Variants in IQCJ observed in about 807,000 individuals in gnomAD.
IQCJ encodes the protein IQ motif containing J.
A neutral mutation model predicts 11.0 loss-of-function variants in IQCJ; 9 were observed. The ratio of observed to expected loss-of-function variants is 0.82; its 90% CI spans 0.49 to 1.43. The LOEUF (loss-of-function observed/expected upper bound fraction) is 1.43, where lower values mean the gene tolerates loss of function less well. IQCJ is among the 40% of genes most tolerant of loss of function. IQCJ has a pLI of 0.00. For synonymous variants in IQCJ, 55 were observed against 51.3 expected, an observed-to-expected ratio of 1.07 and a Z score of -0.31; for missense variants, 146 against 133.2, an observed-to-expected ratio of 1.10 and a Z score of -0.47.
Position 159,262,548 on chromosome 3 carries a change from C to T in IQCJ, c.156C>T (p.Ile52=), listed in dbSNP as rs747297020. The T allele has an allele frequency of 6.2e-7, 1 of 1,612,092 alleles. No homozygotes were observed. Among genetic ancestry groups the T allele is most frequent in the Non-Finnish European group, 8.5e-7 (1 of 1,178,856 alleles). The change falls in exon 4 of 4, where the codon ATC becomes ATT. Residue 52 remains isoleucine (I), a splice_region_variant and synonymous_variant. Transcript: ENST00000397832. The stretch of plus-strand genomic sequence containing the variant: ...TTTTTGTTTTGTTTTGTTTTTTCAG[C>T]ATTCAGCGAGCATGGCGAGAGTACC... ...NLQPLESKVK[I]IQRAWREYLQ... is the part of the protein sequence containing the mutation.
At chr3:159,224,344 C>T (rs1371910656) in intron 1 of IQCJ, among the ~76,000 whole-genome samples, 1 of 152,078 alleles carries the variant, frequency 6.6e-6, no homozygotes, top group Admixed American at 6.6e-5. Context: ...TTCATGAACT[C>T]CTAGTGATGT....
At chr3:159,235,744 T>G (rs532089873) in intron 1 of IQCJ, among the ~76,000 whole-genome samples, 137 of 152,310 alleles carry the variant, frequency 9.0e-4, no homozygotes, top group African/African-American at 3.1e-3. Context: ...TTAGATCGGG[T>G]GTTTGACATT....
chr3:159,182,452 C>T (rs9880642), intron 1 of IQCJ, among the ~76,000 whole-genome samples: 20,822 of 152,014 alleles, frequency 0.14, 1,862 homozygotes, highest in Admixed American at 0.2. Context: ...AGTAGTGTAG[C>T]AGGACAAGCC....
chr3:159,216,428 C>G (rs940160970), intron 1 of IQCJ, among the ~76,000 whole-genome samples: 4 of 152,102 alleles, frequency 2.6e-5, no homozygotes, highest in Non-Finnish European at 5.9e-5. Context: ...GGCTGCTTCC[C>G]CTTAGGTCCT....
At chr3:159,253,246 TCTC>T (rs1330822324) in intron 3 of IQCJ, among the ~76,000 whole-genome samples, 1 of 152,020 alleles carries the variant, frequency 6.6e-6, no homozygotes, top group Non-Finnish European at 1.5e-5. Context: ...AAATGTTTCT[TCTC>T]TTCTTTTTTT....
chr3:159,249,136 G>A (rs1727445709), intron 2 of IQCJ, among the ~76,000 whole-genome samples: 2 of 152,146 alleles, frequency 1.3e-5, no homozygotes, highest in Admixed American at 1.3e-4. Flanking sequence ...GATTACAGAC[G>A]TGAGCCACTG....
intron 1 of IQCJ, among the ~76,000 whole-genome samples, chr3:159,216,390 A>T (rs1055475206): frequency 1.3e-5 from 2 of 152,142 alleles, no homozygotes; most frequent in Non-Finnish European, 2.9e-5. Context: ...CTTTCTTTTC[A>T]GATGCTTCTG....
chr3:159,207,391 T>C (rs937373207), intron 1 of IQCJ, among the ~76,000 whole-genome samples: 1 of 152,226 alleles, frequency 6.6e-6, no homozygotes, highest in African/African-American at 2.4e-5. Flanking sequence ...CTGCCAGCTT[T>C]TTTTCCTATT....
At chr3:159,108,221 T>G (rs1433813877) in intron 1 of IQCJ, among the ~76,000 whole-genome samples, 1 of 152,152 alleles carries the variant, frequency 6.6e-6, no homozygotes, top group African/African-American at 2.4e-5. Flanking sequence ...AAATTGCAAT[T>G]AAATTTCCCA....
intron 1 of IQCJ, among the ~76,000 whole-genome samples, chr3:159,085,111 C>G (rs935965078): frequency 2.0e-5 from 3 of 151,438 alleles, no homozygotes; most frequent in Admixed American, 6.6e-5. Flanking sequence ...TGTTCCCCTT[C>G]CTGTGTCCAT....
chr3:159,084,975 G>A (rs1716611416), intron 1 of IQCJ, among the ~76,000 whole-genome samples: 2 of 151,520 alleles, frequency 1.3e-5, no homozygotes, highest in Admixed American at 1.3e-4. Flanking sequence ...GTGCAGGTTA[G>A]TTACATATGT....
chr3:159,070,756 C>T (rs1715512043), intron 1 of IQCJ, among the ~76,000 whole-genome samples: 1 of 151,972 alleles, frequency 6.6e-6, no homozygotes, highest in Non-Finnish European at 1.5e-5. Flanking sequence ...TAGTTTTTCA[C>T]AAGTAGGTTT....
At chr3:159,213,205 C>G (rs1316616746) in intron 1 of IQCJ, among the ~76,000 whole-genome samples, 1 of 152,194 alleles carries the variant, frequency 6.6e-6, no homozygotes, top group East Asian at 1.9e-4. Flanking sequence ...CAAGTTTGCT[C>G]TGTTCTTACA....
At chr3:159,240,756 A>AT (rs1370936289) in intron 1 of IQCJ, among the ~76,000 whole-genome samples, 4 of 151,614 alleles carry the variant, frequency 2.6e-5, no homozygotes, top group African/African-American at 9.7e-5. Flanking sequence ...CACCCAGCTA[A>AT]TTTTTTTGTA....
intron 1 of IQCJ, among the ~76,000 whole-genome samples, chr3:159,198,613 G>A (rs1337776071): frequency 6.6e-6 from 1 of 152,210 alleles, no homozygotes; most frequent in Admixed American, 6.5e-5. Context: ...GGAAGGGGAT[G>A]AGTTAGACCA....
intron 1 of IQCJ, among the ~76,000 whole-genome samples, chr3:159,081,595 C>G (rs578113512): frequency 2.0e-5 from 3 of 152,226 alleles, no homozygotes; most frequent in African/African-American, 7.2e-5. Context: ...ATGAGCACAT[C>G]ATTTTTTCAG....
At chr3:159,148,064 A>G (rs1019622550) in intron 1 of IQCJ, among the ~76,000 whole-genome samples, 10 of 152,238 alleles carry the variant, frequency 6.6e-5, no homozygotes, top group African/African-American at 2.4e-4. Flanking sequence ...TAAGCTACAC[A>G]TTTTAGTATG....
intron 2 of IQCJ, among the ~76,000 whole-genome samples, chr3:159,249,961 G>T (rs1443073579): frequency 6.6e-6 from 1 of 152,006 alleles, no homozygotes; most frequent in African/African-American, 2.4e-5. Flanking sequence ...CCAATAAACA[G>T]AGAAGAGCAA....
chr3:159,211,894 G>A (rs1204454870), intron 1 of IQCJ, among the ~76,000 whole-genome samples: 1 of 152,028 alleles, frequency 6.6e-6, no homozygotes, highest in Non-Finnish European at 1.5e-5. Context: ...GAATGGAAAG[G>A]GAGGCCATGC....
Sources: allele counts gnomAD v4.1 joint callset (sites outside exome capture counted in the v4.1 genomes callset), GRCh38; gene constraint gnomAD v4.1.1; transcripts MANE v1.5; gene names NCBI Gene and HGNC (gene_info 2026-07-23, HGNC 2026-07-21).